Variants in NR2E1 observed in about 807,000 individuals in gnomAD.
NR2E1 encodes nuclear receptor subfamily 2 group E member 1, also known as nuclear receptor TLX.
In NR2E1, 5 loss-of-function variants were observed where a neutral mutation model predicts 43.6. The observed-to-expected ratio is 0.11, with a 90% CI of 0.06 to 0.24. The LOEUF is 0.24. Among genes scored for constraint, NR2E1 ranks in the 10% least tolerant of loss-of-function variants. The pLI is 1.00. For missense variants in NR2E1, 287 were observed against 496.7 expected, an observed-to-expected ratio of 0.58 and a Z score of 4.01; for synonymous variants, 191 against 195.5, an observed-to-expected ratio of 0.98 and a Z score of 0.19.
chr6:108,167,944 T>C (rs1773738410), intron 1 of NR2E1: 22 of 1,434,400 alleles, frequency 1.5e-5, no homozygotes, highest in Non-Finnish European at 1.7e-5. Flanking sequence ...AAGAAGGAGG[T>C]TGTGTTTTCA....
intron 1 of NR2E1, among the ~76,000 whole-genome samples, chr6:108,167,808 C>T (rs1582439573): frequency 6.6e-6 from 1 of 152,114 alleles, no homozygotes; most frequent in Admixed American, 6.6e-5. Flanking sequence ...TTCCCTCCCC[C>T]TCCCCCTTTC....
At chr6:108,183,545 A>C (rs1047207756) in intron 8 of NR2E1, among the ~76,000 whole-genome samples, 1 of 152,156 alleles carries the variant, frequency 6.6e-6, no homozygotes, top group Non-Finnish European at 1.5e-5. Flanking sequence ...TCAGCTATAG[A>C]CACTGTGGGG....
chr6:108,173,724 A>G (rs976009053), intron 2 of NR2E1, among the ~76,000 whole-genome samples: 1 of 152,242 alleles, frequency 6.6e-6, no homozygotes, highest in African/African-American at 2.4e-5. Flanking sequence ...AGCAACTTCT[A>G]TAAATATAGG....
In NR2E1 at chr6:108,180,521, AAT is replaced by A; in HGVS notation, c.739+104_739+105del. The A allele has an allele frequency of 2.3e-6, 2 of 859,290 alleles. No homozygotes were observed. The highest frequency in any genetic ancestry group is 4.0e-6 in the Non-Finnish European group (2 of 500,916). The allele number at this position is 859,290 out of a possible 1,614,324, so 53.2% of individuals were successfully genotyped here. A position where few individuals can be genotyped will look rare whatever the true frequency, so the allele number is the denominator to read the frequency against. On this transcript the variant is annotated intron_variant, in intron 6 of 8. Transcript: ENST00000368986. The surrounding 1 kb of genome is among the most constrained non-coding windows in gnomAD (Gnocchi z 5.4). ...AAAGAATAACAAATTCCTGCTGAAC[AAT>A]AGAGTATACCTGTCATTTATAAATC...
rs555916034 is a variant in NR2E1, at chr6:108,187,936, A to G, written c.*473A>G. The G allele has an allele frequency of 5.5e-6, 1 of 182,430 alleles. No homozygotes were observed. The highest frequency in any genetic ancestry group is 1.3e-4 in the East Asian group (1 of 7,934). 11.3% of individuals were successfully genotyped at this position (182,430 alleles called of 1,614,324 possible). ...TTTTAAAAATAATGGTAGGTTTTAA[A>G]TTAAAAGTGTTATCAAAAGTTTCCC... On this transcript the variant is annotated 3_prime_UTR_variant, in exon 9 of 9. Transcript: ENST00000368986.
chr6:108,171,069 C>G (rs1773803425), intron 1 of NR2E1, among the ~76,000 whole-genome samples: 1 of 152,168 alleles, frequency 6.6e-6, no homozygotes, highest in Non-Finnish European at 1.5e-5. Context: ...TCCTCGCGCG[C>G]TCACTAACAA....
chr6:108,181,762 A>G (rs1773994644), intron 8 of NR2E1, 111 bp downstream of exon 8: 1 of 835,694 alleles, frequency 1.2e-6, no homozygotes, highest in African/African-American at 1.7e-5. Context: ...TCTTGTTGCC[A>G]GCCAGTTAAT....
chr6:108,170,585 A>C (rs1326639443), intron 1 of NR2E1, among the ~76,000 whole-genome samples: 1 of 151,850 alleles, frequency 6.6e-6, no homozygotes, highest in Non-Finnish European at 1.5e-5. Flanking sequence ...GCCTAGAGAA[A>C]TCAGTCAGAT....
intron 4 of NR2E1, among the ~76,000 whole-genome samples, chr6:108,177,222 T>C (rs148813961): frequency 3.2e-4 from 49 of 152,218 alleles, no homozygotes; most frequent in African/African-American, 1.1e-3. Flanking sequence ...AAGCCATGAG[T>C]TTCTAACGCA....
chr6:108,185,424 ACACACAC>A (rs1324218179), intron 8 of NR2E1, among the ~76,000 whole-genome samples: 3 of 151,826 alleles, frequency 2.0e-5, no homozygotes, highest in Non-Finnish European at 4.4e-5. Flanking sequence ...ACACACACAC[ACACACAC>A]ATTGTTTTTG....
chr6:108,171,665 T>C, intron 2 of NR2E1, 62 bp downstream of exon 2: 1 of 1,603,656 alleles, frequency 6.2e-7, no homozygotes. Context: ...CTTTTGTTTG[T>C]GCCAAGGCCT....
chr6:108,169,560 C>A lies in NR2E1; in HGVS notation c.26-1898C>A, dbSNP rs1773770239. On this transcript the variant is annotated intron_variant, in intron 1 of 8. Transcript: ENST00000368986. This position sits in a 1 kb window ranked among gnomAD's most constrained non-coding sequence, Gnocchi z 6.1. ...CGTGGACCCTGGAGCGGTCAGAGGGCGCGTGTTAAGCAGAGGATGGTTGTA... is the reference window on the plus strand; with the variant it reads ...CGTGGACCCTGGAGCGGTCAGAGGGAGCGTGTTAAGCAGAGGATGGTTGTA... 6.6e-6 allele frequency among the ~76,000 whole-genome samples: 1 copy of A among 152,140 alleles called. No homozygotes were observed. The highest frequency in any genetic ancestry group is 6.5e-5 in the Admixed American group (1 of 15,282).
chr6:108,185,184 G>C (rs947241256), intron 8 of NR2E1, among the ~76,000 whole-genome samples: 2 of 152,032 alleles, frequency 1.3e-5, no homozygotes, highest in Admixed American at 6.6e-5. Context: ...TCTAATTATC[G>C]AGGACGTAAG....
rs1167675613 is a variant in NR2E1, at chr6:108,180,372, C to A, written c.692C>A (p.Ala231Glu). ...AGAGAACTGTTTGTTCTAGGAATAG[C>A]ACAATGGGCCATTCCGGTTGATGCT... ...AWRELFVLGIAQWAIPVDANT... is the reference protein window; with the variant it reads ...AWRELFVLGIEQWAIPVDANT... Residue 231 changes from alanine to glutamate, a missense_variant, in exon 6 of 9, where the codon GCA becomes GAA. Ala to Glu is a moderately radical substitution (Grantham distance 107). Transcript: ENST00000368986. This position sits in a 1 kb window ranked among gnomAD's most constrained non-coding sequence, Gnocchi z 5.4. 2 of 1,613,358 alleles carry A rather than the reference C, an allele frequency of 1.2e-6. No individual in the cohort carries two copies. Among genetic ancestry groups the A allele is most frequent in the Non-Finnish European group, 1.7e-6 (2 of 1,179,512 alleles).
chr6:108,178,462 G>A (rs1773935339), intron 5 of NR2E1, among the ~76,000 whole-genome samples: 1 of 152,200 alleles, frequency 6.6e-6, no homozygotes, highest in African/African-American at 2.4e-5. Context: ...ATTTCAGAAA[G>A]GATGGGTCCA....
rs1366022640 is a variant in NR2E1, at chr6:108,176,739, G to A, written c.495+1G>A. 5 of 1,560,562 alleles carry A rather than the reference G, an allele frequency of 3.2e-6. No individual in the cohort carries two copies. The highest frequency in any genetic ancestry group is 4.3e-6 in the Non-Finnish European group (5 of 1,158,896). On this transcript the variant is annotated splice_donor_variant, in intron 4 of 8. Transcript: ENST00000368986. LOFTEE classifies it high-confidence loss of function. ...GAGCCTGGCTCAGCCCACGCCCAAGGTCAGCGGCCTTGCTGGGCCCAAAGA... is the reference window on the plus strand; with the variant it reads ...GAGCCTGGCTCAGCCCACGCCCAAGATCAGCGGCCTTGCTGGGCCCAAAGA...
Position 108,180,388 on chromosome 6 carries a change from G to A in NR2E1, c.708G>A (p.Pro236=), listed in dbSNP as rs145621619. The A allele has an allele frequency of 4.1e-5, 66 of 1,612,202 alleles. No individual in the cohort carries two copies. In the East Asian group the frequency reaches 7.8e-4, roughly 19 times the overall value. ...FVLGIAQWAI[P]VDANTLLAVS... is the part of the protein sequence containing the mutation. ...TAGGAATAGCACAATGGGCCATTCC[G>A]GTTGATGCTAACACTCTACTGGCTG... The change falls in exon 6 of 9, where the codon CCG becomes CCA. Residue 236 remains proline (P), a synonymous_variant. Transcript: ENST00000368986. The surrounding 1 kb of genome is among the most constrained non-coding windows in gnomAD (Gnocchi z 5.4).
Position 108,169,409 on chromosome 6 carries a change from C to T in NR2E1, c.26-2049C>T, listed in dbSNP as rs566923672. On this transcript the variant is annotated intron_variant, in intron 1 of 8. Coordinates refer to ENST00000368986, the MANE Select transcript of NR2E1 (RefSeq NM_003269.5). This position sits in a 1 kb window ranked among gnomAD's most constrained non-coding sequence, Gnocchi z 6.1. ...TCTCCAGAGATGTTGTCATGGGCCT[C>T]CTGTCCGGATGGGAAGTGGGGAAAA... Among the ~76,000 whole-genome samples the T allele has an allele frequency of 5.8e-4, 89 of 152,310 alleles. No homozygotes were observed. The highest frequency in any genetic ancestry group is 9.7e-4 in the Non-Finnish European group (66 of 68,032).
At position 108,180,228 on chromosome 6, in the gene NR2E1, A is replaced by G. The variant is rs780951633; in HGVS notation, c.643-95A>G. On this transcript the variant is annotated intron_variant, in intron 5 of 8. Transcript: ENST00000368986. This position sits in a 1 kb window ranked among gnomAD's most constrained non-coding sequence, Gnocchi z 5.4. The stretch of plus-strand genomic sequence containing the variant: ...AAAAATTACCAAGACAGGCATTTAA[A>G]ACACTTTTTAAAATAATGGAAATTT... 2.6e-4 allele frequency: 225 copies of G among 854,544 alleles called. No individual in the cohort carries two copies. The highest frequency in any genetic ancestry group is 3.9e-4 in the Non-Finnish European group (204 of 523,918). The allele number at this position is 854,544 out of a possible 1,614,324, so 52.9% of individuals were successfully genotyped here.
Sources: gnomAD v4.1 joint callset for allele counts (sites outside exome capture counted in the v4.1 genomes callset) on GRCh38, gnomAD v4.1.1 for gene constraint, Gnocchi (gnomAD v3.1) non-coding constraint, MANE v1.5 for transcripts, NCBI Gene and HGNC (gene_info 2026-07-23, HGNC 2026-07-21) for gene names.